The following NRG3 variants were observed in gnomAD, a reference collection of about 807,000 sequenced individuals.
NRG3 encodes the protein pro-neuregulin-3, membrane-bound isoform.
A neutral mutation model predicts 66.9 loss-of-function variants in NRG3; 31 were observed. The observed-to-expected ratio is 0.46, with a 90% confidence interval of 0.35 to 0.63. NRG3 has a LOEUF of 0.63. Among genes scored for constraint, NRG3 ranks in the 20% least tolerant of loss-of-function variants. The pLI is 0.00. For missense variants in NRG3, 910 were observed against 878.9 expected (o/e 1.04, Z -0.45); for synonymous variants, 393 against 359.4 (o/e 1.09, Z -1.06).
intron 2 of NRG3, among the ~76,000 whole-genome samples, chr10:82,429,570 C>A (rs1263573502): frequency 3.3e-5 from 5 of 152,014 alleles, no homozygotes; most frequent in Non-Finnish European, 2.9e-5. Context: ...TGACCTTTGA[C>A]AGTTTGACTA....
At chr10:82,225,280 G>A (rs551779044) in intron 1 of NRG3, 29 of 152,174 alleles carry the variant, frequency 1.9e-4, no homozygotes, top group South Asian at 1.0e-3. Flanking sequence ...AAAGAATATC[G>A]TTTCTTTAAA....
chr10:82,334,157 A>G (rs1248558482), intron 1 of NRG3, among the ~76,000 whole-genome samples: 2 of 149,484 alleles, frequency 1.3e-5, no homozygotes, highest in Admixed American at 6.6e-5. Flanking sequence ...AAAAAAAAAG[A>G]AAAGAAAAAG....
chr10:82,695,772 T>C (rs980965990), intron 2 of NRG3, among the ~76,000 whole-genome samples: 2 of 152,208 alleles, frequency 1.3e-5, no homozygotes, highest in Non-Finnish European at 1.5e-5. Context: ...GTAAATTTTT[T>C]CTGACTCCTC....
intron 2 of NRG3, among the ~76,000 whole-genome samples, chr10:82,546,361 G>GT (rs934432544): frequency 3.0e-4 from 45 of 151,588 alleles, no homozygotes; most frequent in Middle Eastern, 3.4e-3. Context: ...TACCGAGATA[G>GT]TTTTTTTTTA....
At chr10:82,327,699 C>T (rs1364556430) in intron 1 of NRG3, among the ~76,000 whole-genome samples, 1 of 152,112 alleles carries the variant, frequency 6.6e-6, no homozygotes, top group Non-Finnish European at 1.5e-5. Flanking sequence ...TCTCATGCAG[C>T]CTAACATATA....
chr10:82,581,225 A>G (rs945185269), intron 2 of NRG3, among the ~76,000 whole-genome samples: 7 of 152,100 alleles, frequency 4.6e-5, no homozygotes, highest in Middle Eastern at 6.8e-3. Flanking sequence ...TGCCATCTGT[A>G]TATCTCCTTT....
At chr10:82,872,215 A>G (rs1202955852) in intron 4 of NRG3, among the ~76,000 whole-genome samples, 3 of 152,140 alleles carry the variant, frequency 2.0e-5, no homozygotes, top group Non-Finnish European at 4.4e-5. Flanking sequence ...ATTAATTATT[A>G]ATATTGAACC....
chr10:82,663,906 T>C (rs2052559259), intron 2 of NRG3, among the ~76,000 whole-genome samples: 2 of 152,160 alleles, frequency 1.3e-5, no homozygotes, highest in South Asian at 4.1e-4. Context: ...AGGAAACACA[T>C]CCAAGCCAAC....
intron 1 of NRG3, among the ~76,000 whole-genome samples, chr10:82,144,029 TAAA>T (rs558793877): frequency 9.3e-6 from 1 of 107,146 alleles, no homozygotes; most frequent in African/African-American, 3.5e-5. Context: ...GACTTTGTCT[TAAA>T]AAAAAAAAAA....
intron 2 of NRG3, among the ~76,000 whole-genome samples, chr10:82,725,511 T>G (rs1235687954): frequency 6.6e-6 from 1 of 152,188 alleles, no homozygotes; most frequent in Admixed American, 6.5e-5. Context: ...ATAGCTAAAT[T>G]GATCAGAACG....
At chr10:82,188,748 A>G (rs896160352) in intron 1 of NRG3, among the ~76,000 whole-genome samples, 8 of 152,126 alleles carry the variant, frequency 5.3e-5, no homozygotes, top group East Asian at 1.9e-4. Context: ...TAAAACTACA[A>G]TGAGATAGAA....
At chr10:82,663,411 A>G (rs1334190799) in intron 2 of NRG3, among the ~76,000 whole-genome samples, 1 of 152,064 alleles carries the variant, frequency 6.6e-6, no homozygotes, top group African/African-American at 2.4e-5. Context: ...AGATCTGAAA[A>G]GGACTGTGAA....
intron 1 of NRG3, among the ~76,000 whole-genome samples, chr10:82,220,943 C>T (rs1333979174): frequency 6.6e-6 from 1 of 152,114 alleles, no homozygotes; most frequent in African/African-American, 2.4e-5. Flanking sequence ...ATGATCATAC[C>T]ATCACATGCC....
At chr10:82,251,886 C>T (rs74146530) in intron 1 of NRG3, among the ~76,000 whole-genome samples, 3,266 of 152,144 alleles carry the variant, frequency 0.021, 111 homozygotes, top group East Asian at 0.12. Context: ...AACTCTCTGG[C>T]AGAGGTAAGG....
intron 1 of NRG3, among the ~76,000 whole-genome samples, chr10:82,041,942 C>G (rs1254581916): frequency 6.6e-6 from 1 of 151,968 alleles, no homozygotes; most frequent in Non-Finnish European, 1.5e-5. Context: ...AAACACAAAA[C>G]ACAAAACTAC....
chr10:82,960,450 C>T lies in NRG3; in HGVS notation c.1284+1375C>T, dbSNP rs149703591. 8.0e-3 allele frequency among the ~76,000 whole-genome samples: 1,151 copies of T among 144,662 alleles called. 10 individuals are homozygous for T. The highest frequency in any genetic ancestry group is 0.027 in the African/African-American group (1,068 of 39,048). 94.9% of individuals were successfully genotyped at this position (144,662 alleles called of 152,430 possible). On this transcript the variant is annotated intron_variant, in intron 6 of 8. Coordinates refer to ENST00000372141, the MANE Select transcript of NRG3 (RefSeq NM_001010848.4). The stretch of plus-strand genomic sequence containing the variant: ...TAGTTGAACTGAACTTCTATTTGTA[C>T]GGAAATGGCTGGATTTTTTTTTTTT...
intron 1 of NRG3, among the ~76,000 whole-genome samples, chr10:81,956,803 A>G (rs1472457606): frequency 6.6e-6 from 1 of 152,126 alleles, no homozygotes; most frequent in African/African-American, 2.4e-5. Flanking sequence ...CACATTTAAC[A>G]TACTACCAAA....
intron 2 of NRG3, among the ~76,000 whole-genome samples, chr10:82,656,439 T>C (rs1321855567): frequency 6.6e-6 from 1 of 152,106 alleles, no homozygotes; most frequent in South Asian, 2.1e-4. Context: ...GGTGTCCACT[T>C]TAGGTTTTCT....
chr10:82,327,380 G>T (rs993310552), intron 1 of NRG3, among the ~76,000 whole-genome samples: 8 of 152,188 alleles, frequency 5.3e-5, no homozygotes, highest in African/African-American at 1.9e-4. Flanking sequence ...AGCTTTCAGT[G>T]TGGAGATAAC....
Sources: allele counts gnomAD v4.1 joint callset (sites outside exome capture counted in the v4.1 genomes callset), GRCh38; gene constraint gnomAD v4.1.1; transcripts MANE v1.5; gene names NCBI Gene and HGNC (gene_info 2026-07-23, HGNC 2026-07-21).